Variants in PARP4 observed in about 807,000 individuals in gnomAD.
PARP4 encodes the protein poly(ADP-ribose) polymerase family member 4.
Under a neutral mutation model 187.7 loss-of-function variants are expected in PARP4, and 120 were observed. That is an observed-to-expected ratio of 0.64 (90% CI 0.55 to 0.74). PARP4 has a LOEUF of 0.74. Among genes scored for constraint, PARP4 ranks in the 30% least tolerant of loss-of-function variants. The pLI is 0.00. For missense variants in PARP4, 1,836 were observed against 2,070.5 expected (o/e 0.89, Z 2.20); for synonymous variants, 654 against 740.9 (o/e 0.88, Z 1.90).
At chr13:24,487,515 G>A (rs1031854665) in intron 10 of PARP4, among the ~76,000 whole-genome samples, 5 of 152,198 alleles carry the variant, frequency 3.3e-5, no homozygotes, top group African/African-American at 1.2e-4. Context: ...AATGGAAGTA[G>A]CCAACAGATG....
intron 28 of PARP4, among the ~76,000 whole-genome samples, chr13:24,443,372 G>A (rs1167636735): frequency 2.0e-5 from 3 of 152,078 alleles, no homozygotes; most frequent in African/African-American, 4.8e-5. Flanking sequence ...CAGGCACTCA[G>A]CGAGTGTTCT....
chr13:24,425,605 C>CTATATATATATATATATATATATA (rs113002264), intron 33 of PARP4, among the ~76,000 whole-genome samples: 2 of 146,916 alleles, frequency 1.4e-5, no homozygotes, highest in African/African-American at 5.1e-5. Flanking sequence ...ATATCTATAT[C>CTATATATATATATATATATATATA]TATATATCTC....
At chr13:24,441,315 T>G (rs1327697883) in intron 30 of PARP4, among the ~76,000 whole-genome samples, 2 of 151,804 alleles carry the variant, frequency 1.3e-5, no homozygotes, top group African/African-American at 2.4e-5. Context: ...GATTTTAAAT[T>G]TTTAAATTCT....
At chr13:24,461,787 T>C (rs1413855973) in intron 17 of PARP4, among the ~76,000 whole-genome samples, 1 of 152,050 alleles carries the variant, frequency 6.6e-6, no homozygotes, top group Non-Finnish European at 1.5e-5. Flanking sequence ...GGCAGCAAAC[T>C]CTCACTTCCA....
chr13:24,499,341 G>T lies in PARP4; in HGVS notation c.437C>A (p.Pro146His), dbSNP rs748832196. Residue 146 changes from proline to histidine, a missense_variant, in exon 5 of 34, where the codon CCT becomes CAT. By Grantham distance (77) the Pro-to-His change is moderately conservative. Coordinates refer to ENST00000381989, the MANE Select transcript of PARP4 (RefSeq NM_006437.4). ...GMQNVEIPHLPQDFEVAKYNT... is the reference protein window; with the variant it reads ...GMQNVEIPHLHQDFEVAKYNT... ...ATATTTTGCAACTTCAAAATCTTGA[G>T]GAAGATGAGGAATTTCAACATTCTG... The T allele has an allele frequency of 7.6e-6, 12 of 1,575,206 alleles. No homozygotes were observed. The highest frequency in any genetic ancestry group is 8.6e-6 in the Non-Finnish European group (10 of 1,163,128).
At chr13:24,508,782 G>A (rs1303334899) in intron 1 of PARP4, among the ~76,000 whole-genome samples, 2 of 152,132 alleles carry the variant, frequency 1.3e-5, no homozygotes, top group Non-Finnish European at 2.9e-5. Context: ...CCTAAGTGCT[G>A]GGATTACAGG....
intron 10 of PARP4, among the ~76,000 whole-genome samples, chr13:24,488,049 T>C (rs1416628882): frequency 5.3e-5 from 8 of 152,212 alleles, no homozygotes; most frequent in Non-Finnish European, 1.0e-4. Context: ...ATCTAACTTT[T>C]CACAGCAGCA....
chr13:24,498,238 C>T lies in PARP4; in HGVS notation c.478-9G>A, dbSNP rs758395672. 6.3e-7 allele frequency: 1 copy of T among 1,597,170 alleles called. No homozygotes were observed. Among genetic ancestry groups the T allele is most frequent in the Non-Finnish European group, 8.6e-7 (1 of 1,166,118 alleles). The stretch of plus-strand genomic sequence containing the variant: ...CCTCCCTCCATTCCCACCTGGAAAA[C>T]AGGATGTGCTTTCAGAAGCTGCACT... On this transcript the variant is annotated splice_polypyrimidine_tract_variant and intron_variant, in intron 5 of 33. Coordinates refer to ENST00000381989, the MANE Select transcript of PARP4 (RefSeq NM_006437.4).
At position 24,435,199 on chromosome 13, in the gene PARP4, G is replaced by T. The variant is rs1870562255; in HGVS notation, c.3942C>A (p.Ser1314Arg). The change falls in exon 31 of 34, where the codon AGC becomes AGA. Residue 1314 changes from serine (S) to arginine (R), a missense_variant. Ser to Arg is a moderately radical substitution (Grantham distance 110). Around this residue, in one of 8 missense-constraint regions of PARP4, gnomAD observed 450 missense variants for 439.2 expected, o/e 1.02. Transcript: ENST00000381989. ...CGGCCGGAGCCAAAATAGGAAAAAA[G>T]CTAGAAGTAGATGTTTCCCATGGAC... The part of the protein sequence containing the change: ...KVSPWETSTS[S>R]FFPILAPAVG... 1.2e-6 allele frequency: 2 copies of T among 1,614,068 alleles called. No individual in the cohort carries two copies. Among genetic ancestry groups the T allele is most frequent in the Admixed American group, 1.7e-5 (1 of 60,010 alleles).
Position 24,460,065 on chromosome 13 carries a change from T to C in PARP4, c.2205A>G (p.Thr735=), listed in dbSNP as rs1872129759. The C allele has an allele frequency of 7.4e-6, 12 of 1,613,988 alleles. No individual in the cohort carries two copies. Among genetic ancestry groups the C allele is most frequent in the Non-Finnish European group, 1.0e-5 (12 of 1,179,980 alleles). Residue 735 remains threonine (T), a synonymous_variant, in exon 18 of 34, where the codon ACA becomes ACG. Coordinates refer to ENST00000381989, the MANE Select transcript of PARP4 (RefSeq NM_006437.4). ...CAACAGTGCCCAGGATGCTGAGTTC[T>C]GTGATGTAGGTAATTTTTATAAGAA... ...AKVLIKITYI[T]ELSILGTVGV...
At position 24,470,013 on chromosome 13, in the gene PARP4, G is replaced by A. The variant is rs1566006528; in HGVS notation, c.1927C>T (p.Gln643Ter). The A allele has an allele frequency of 6.2e-7, 1 of 1,612,508 alleles. No individual in the cohort carries two copies. Among genetic ancestry groups the A allele is most frequent in the Non-Finnish European group, 8.5e-7 (1 of 1,179,270 alleles). The part of the protein sequence containing the change: ...IDTVAQVIVF[Q>*]TYTNKSHVPI... ...ACGTGACTTTTATTTGTGTATGTCTGAAAAACAATGACCTGAAGAAGAAAA... is the reference window on the plus strand; with the variant it reads ...ACGTGACTTTTATTTGTGTATGTCTAAAAAACAATGACCTGAAGAAGAAAA... Residue 643 changes from glutamine (Q) to a stop codon, truncating the protein, a stop_gained, in exon 16 of 34, where the codon CAG (glutamine) becomes TAG (stop). Coordinates refer to ENST00000381989, the MANE Select transcript of PARP4 (RefSeq NM_006437.4). LOFTEE classifies it high-confidence loss of function.
At chr13:24,432,434 G>A (rs1870389057) in intron 31 of PARP4, among the ~76,000 whole-genome samples, 1 of 152,136 alleles carries the variant, frequency 6.6e-6, no homozygotes, top group South Asian at 2.1e-4. Context: ...AACTTGATGT[G>A]TTTGGAGTTA....
Position 24,422,811 on chromosome 13 carries a change from C to A in PARP4, c.4980-1497G>T, listed in dbSNP as rs372945754. On this transcript the variant is annotated intron_variant, in intron 33 of 33. Coordinates refer to ENST00000381989, the MANE Select transcript of PARP4 (RefSeq NM_006437.4). ...TTTAGTAGAGACGGGGTTTCACCAT[C>A]TTGGCCAGGATGGTCTCAATCTCTT... 1.2e-3 allele frequency among the ~76,000 whole-genome samples: 176 copies of A among 152,076 alleles called. 3 individuals are homozygous for A. In the East Asian group the frequency reaches 0.018, roughly 16 times the overall value.
intron 2 of PARP4, 119 bp from the exon 3 acceptor site, chr13:24,501,953 A>C: frequency 3.1e-6 from 2 of 646,462 alleles, no homozygotes; most frequent in Non-Finnish European, 5.2e-6. Context: ...AATCTTTCTC[A>C]AATTTCGAAA....
rs560213822 is a variant in PARP4 at position 24,442,914 on chromosome 13, T to C, written c.3448-229A>G. 3.3e-5 allele frequency among the ~76,000 whole-genome samples: 5 copies of C among 152,228 alleles called. No individual in the cohort carries two copies. The South Asian group carries it at 1.0e-3, about 32-fold the overall frequency. The stretch of plus-strand genomic sequence containing the variant: ...GAGAGCTCTCCCGGGCAGTGGGCTT[T>C]CTCATTCTTTCACAGTCTGTGGCTC... On this transcript the variant is annotated intron_variant, in intron 28 of 33. Coordinates refer to ENST00000381989, the MANE Select transcript of PARP4 (RefSeq NM_006437.4).
Position 24,492,605 on chromosome 13 carries a change from AT to A in PARP4, c.880-12del. ...CTCTGCCTTGCTCACCTTTCAACAG[AT>A]CATATATGCTTATTACAATGAAATC... On this transcript the variant is annotated splice_polypyrimidine_tract_variant and intron_variant, in intron 8 of 33. Transcript: ENST00000381989. 1 of 1,604,690 alleles carries A rather than the reference AT, an allele frequency of 6.2e-7. No homozygotes were observed.
chr13:24,426,065 C>T (rs4769351), intron 33 of PARP4, among the ~76,000 whole-genome samples: 142,781 of 152,166 alleles, frequency 0.94, 67,112 homozygotes, highest in East Asian at 0.99. Context: ...TTATAAACTA[C>T]AAAGTTATAA....
At chr13:24,437,912 T>C (rs1870715862) in intron 30 of PARP4, among the ~76,000 whole-genome samples, 1 of 151,548 alleles carries the variant, frequency 6.6e-6, no homozygotes, top group African/African-American at 2.4e-5. Flanking sequence ...TAAAACTCCT[T>C]CTTGAATAGT....
Position 24,434,767 on chromosome 13 carries a change from A to C in PARP4, c.4374T>G (p.Ala1458=), listed in dbSNP as rs1870525732. 6.2e-7 allele frequency: 1 copy of C among 1,612,776 alleles called. No individual in the cohort carries two copies. Among genetic ancestry groups the C allele is most frequent in the Non-Finnish European group, 8.5e-7 (1 of 1,179,514 alleles). The change falls in exon 31 of 34, where the codon GCT becomes GCG. Residue 1458 remains alanine, a synonymous_variant. Coordinates refer to ENST00000381989, the MANE Select transcript of PARP4 (RefSeq NM_006437.4). ...AAGGTTGAAAATGAAAAGGAGAGGAAGCAGAGGGATGATAAGACCCAAAAC... is the reference window on the plus strand; with the variant it reads ...AAGGTTGAAAATGAAAAGGAGAGGACGCAGAGGGATGATAAGACCCAAAAC... The part of the protein sequence containing the change: ...IRGFGSYHPS[A]SSPFHFQPSA...
Sources: gnomAD v4.1 joint callset for allele counts (sites outside exome capture counted in the v4.1 genomes callset) on GRCh38, gnomAD v4.1.1 for gene constraint, gnomAD v4.1.1 regional missense constraint, MANE v1.5 for transcripts, NCBI Gene and HGNC (gene_info 2026-07-23, HGNC 2026-07-21) for gene names.